RSU1: variants seen among roughly 807,000 people sequenced by gnomAD.
RSU1 encodes the protein Ras suppressor protein 1, also known as rsu-1.
Under a neutral mutation model 31.1 loss-of-function variants are expected in RSU1, and 26 were observed. The observed-to-expected ratio is 0.84, with a 90% confidence interval of 0.61 to 1.16. The LOEUF is 1.16. Ranked by LOEUF, RSU1 falls within the 50% of genes most tolerant of loss-of-function variation. The pLI is 0.00. For synonymous variants in RSU1, 164 were observed against 136.3 expected, an observed-to-expected ratio of 1.20 and a Z score of -1.41; for missense variants, 320 against 339.1, an observed-to-expected ratio of 0.94 and a Z score of 0.44.
At chr10:16,595,391 C>G (rs561276774) in intron 8 of RSU1, among the ~76,000 whole-genome samples, 1 of 152,294 alleles carries the variant, frequency 6.6e-6, no homozygotes, top group African/African-American at 2.4e-5. Context: ...GGAGGCGGTA[C>G]AAGCAGGTTC....
intron 7 of RSU1, among the ~76,000 whole-genome samples, chr10:16,723,672 T>C (rs969134572): frequency 2.6e-5 from 4 of 152,106 alleles, no homozygotes; most frequent in Admixed American, 1.3e-4. Context: ...CCAAGAAGAA[T>C]GGGAAGCTTC....
chr10:16,645,883 TATAC>T (rs1834533595), intron 8 of RSU1, among the ~76,000 whole-genome samples: 2 of 105,590 alleles, frequency 1.9e-5, no homozygotes, highest in South Asian at 6.5e-4. Flanking sequence ...TATATGTGTA[TATAC>T]ATATATGTAT....
At chr10:16,809,075 C>T (rs1187305754) in intron 2 of RSU1, among the ~76,000 whole-genome samples, 2 of 152,156 alleles carry the variant, frequency 1.3e-5, no homozygotes, top group Admixed American at 6.6e-5. Context: ...GTTTTGCAGC[C>T]GTAGGACATT....
intron 8 of RSU1, among the ~76,000 whole-genome samples, chr10:16,680,356 CAAGT>C (rs1186989014): frequency 2.6e-5 from 4 of 151,712 alleles, no homozygotes; most frequent in African/African-American, 9.7e-5. Context: ...CCAAAGAGCT[CAAGT>C]TTAAAAAAAT....
intron 8 of RSU1, among the ~76,000 whole-genome samples, chr10:16,685,566 A>C (rs1178002994): frequency 6.6e-6 from 1 of 152,140 alleles, no homozygotes; most frequent in Non-Finnish European, 1.5e-5. Context: ...TTGCCATGGC[A>C]TTTCTAAGCT....
chr10:16,610,491 G>A (rs991625655), intron 8 of RSU1, among the ~76,000 whole-genome samples: 5 of 152,142 alleles, frequency 3.3e-5, no homozygotes, highest in African/African-American at 9.7e-5. Context: ...AGTGGCAGGC[G>A]AGGAAGCAAA....
intron 7 of RSU1, among the ~76,000 whole-genome samples, chr10:16,716,249 G>A (rs1239650304): frequency 6.6e-6 from 1 of 152,214 alleles, no homozygotes; most frequent in Non-Finnish European, 1.5e-5. Context: ...GGGTGCCAGG[G>A]CCAGGGCATA....
chr10:16,595,667 G>A (rs551468117), intron 8 of RSU1, among the ~76,000 whole-genome samples: 5 of 152,238 alleles, frequency 3.3e-5, no homozygotes, highest in East Asian at 3.9e-4. Flanking sequence ...TGACCAGCCC[G>A]GCTGTGCCTC....
At chr10:16,700,355 G>C (rs1010836342) in intron 7 of RSU1, among the ~76,000 whole-genome samples, 5 of 151,894 alleles carry the variant, frequency 3.3e-5, no homozygotes, top group African/African-American at 1.2e-4. Context: ...AAAAAAAGTG[G>C]CTGATTGGGT....
At chr10:16,703,586 A>G (rs1835838413) in intron 7 of RSU1, among the ~76,000 whole-genome samples, 1 of 152,226 alleles carries the variant, frequency 6.6e-6, no homozygotes, top group Non-Finnish European at 1.5e-5. Flanking sequence ...AGACACTCAG[A>G]GCATGGTATA....
At chr10:16,717,456 T>TGAAACATTTTCAC (rs1226742237) in intron 7 of RSU1, among the ~76,000 whole-genome samples, 3 of 152,220 alleles carry the variant, frequency 2.0e-5, no homozygotes, top group Non-Finnish European at 4.4e-5. Context: ...TGCATTTTCA[T>TGAAACATTTTCAC]GAAACATTTT....
rs182590782 is a variant in RSU1 at position 16,641,432 on chromosome 10, C to T, written c.732-47936G>A. On this transcript the variant is annotated intron_variant, in intron 8 of 8. Transcript: ENST00000345264. Reference sequence around the variant, plus strand: ...GTATGAACCCAAGAGGCGGAGGTTGCAGTAAGCCGAGACTGTGCCACTGCA... The same window carrying T: ...GTATGAACCCAAGAGGCGGAGGTTGTAGTAAGCCGAGACTGTGCCACTGCA... 3.6e-3 allele frequency among the ~76,000 whole-genome samples: 541 copies of T among 149,606 alleles called. 3 individuals are homozygous for T. The highest frequency in any genetic ancestry group is 0.012 in the African/African-American group (491 of 40,028).
Position 16,724,607 on chromosome 10 carries a change from C to T in RSU1, c.598+27932G>A, listed in dbSNP as rs138938820. Among the ~76,000 whole-genome samples, 1,163 of 152,270 alleles carry T rather than the reference C, an allele frequency of 7.6e-3. 23 individuals carry two copies. The highest frequency in any genetic ancestry group is 0.054 in the East Asian group (278 of 5,180). On this transcript the variant is annotated intron_variant, in intron 7 of 8. Coordinates refer to ENST00000345264, the MANE Select transcript of RSU1 (RefSeq NM_012425.4). ...GAGAAACCCTGCTAACAGCACGTGG[C>T]AGAAGAGGAGCAGAAGGGGGAATCA...
chr10:16,595,834 T>G (rs1833603051), intron 8 of RSU1, among the ~76,000 whole-genome samples: 1 of 151,060 alleles, frequency 6.6e-6, no homozygotes, highest in Non-Finnish European at 1.5e-5. Flanking sequence ...CTGCGCATAG[T>G]GGTGCATGCC....
intron 2 of RSU1, among the ~76,000 whole-genome samples, chr10:16,810,592 T>TTCTG (rs1838387262): frequency 3.3e-5 from 5 of 152,242 alleles, no homozygotes; most frequent in Admixed American, 2.6e-4. Flanking sequence ...AGGTGAGGAA[T>TTCTG]AAGGCAGTGG....
chr10:16,667,154 AACTTAT>A (rs1835009087), intron 8 of RSU1, among the ~76,000 whole-genome samples: 1 of 152,168 alleles, frequency 6.6e-6, no homozygotes, highest in African/African-American at 2.4e-5. Context: ...CCAAGGAGGG[AACTTAT>A]ACTTTAGCTG....
chr10:16,699,075 C>G (rs1387141775), intron 7 of RSU1, among the ~76,000 whole-genome samples: 1 of 152,132 alleles, frequency 6.6e-6, no homozygotes, highest in Non-Finnish European at 1.5e-5. Flanking sequence ...TTCTTTTTAA[C>G]AAAGAGCCAT....
chr10:16,601,550 A>C (rs1833714536), intron 8 of RSU1, among the ~76,000 whole-genome samples: 1 of 152,148 alleles, frequency 6.6e-6, no homozygotes, highest in Admixed American at 6.5e-5. Flanking sequence ...AAATATTATA[A>C]TGGTTCCCTT....
At chr10:16,677,252 G>A (rs890373810) in intron 8 of RSU1, among the ~76,000 whole-genome samples, 3 of 152,134 alleles carry the variant, frequency 2.0e-5, no homozygotes, top group African/African-American at 4.8e-5. Flanking sequence ...TTACTTAAAC[G>A]ATGACTGTCC....
Sources: gnomAD v4.1 joint callset for allele counts (sites outside exome capture counted in the v4.1 genomes callset) on GRCh38, gnomAD v4.1.1 for gene constraint, MANE v1.5 for transcripts, NCBI Gene and HGNC (gene_info 2026-07-23, HGNC 2026-07-21) for gene names.